The following PODN variants were observed in gnomAD, a reference collection of about 807,000 sequenced individuals.
The protein encoded by PODN is podocan.
Under a neutral mutation model 52.7 loss-of-function variants are expected in PODN, and 40 were observed. The observed-to-expected ratio is 0.76, with a 90% confidence interval of 0.59 to 0.99. PODN has a LOEUF of 0.99. Ranked by LOEUF, PODN falls within the 50% of genes least tolerant of loss-of-function variation. The pLI is 0.00. For missense variants in PODN, 720 were observed against 815.1 expected (o/e 0.88, Z 1.42); for synonymous variants, 396 against 377.9 (o/e 1.05, Z -0.56).
intron 3 of PODN, among the ~76,000 whole-genome samples, 161 bp from the exon 4 acceptor site, chr1:53,074,445 G>A (rs975866740): frequency 2.7e-5 from 4 of 150,338 alleles, no homozygotes; most frequent in South Asian, 2.1e-4. Context: ...CAAGGAGAAA[G>A]AACAGGGCTG....
rs1160257462 is a variant in PODN, at chr1:53,071,921, ATTCAG to A, written c.406+294_406+298del. On this transcript the variant is annotated intron_variant, in intron 3 of 10. Coordinates refer to ENST00000312553, the MANE Select transcript of PODN (RefSeq NM_153703.5). ...ACCATGTTATCACCATGGAATGTAA[ATTCAG>A]GTTAGACAAGAGAATTTCACAAGTG... 5.3e-5 allele frequency among the ~76,000 whole-genome samples: 8 copies of A among 151,636 alleles called. No homozygotes were observed. In the South Asian group the frequency reaches 8.3e-4, roughly 16 times the overall value.
intron 4 of PODN, 105 bp downstream of exon 4, chr1:53,074,775 G>A (rs1384397429): frequency 8.8e-7 from 1 of 1,136,378 alleles, no homozygotes; most frequent in African/African-American, 1.6e-5. Context: ...CTCCCTGCTG[G>A]GTCCTTGTTG....
Position 53,070,053 on chromosome 1 carries a change from C to G in PODN, c.198C>G (p.Val66=), listed in dbSNP as rs780754451. ...PEEPGPGPAA[V]SCPRDCACSQ... is the part of the protein sequence containing the mutation. Reference sequence around the variant, plus strand: ...AGCCCGGGCCTGGCCCAGCCGCGGTCAGCTGCCCCCGAGACTGTGCCTGTT... The same window carrying G: ...AGCCCGGGCCTGGCCCAGCCGCGGTGAGCTGCCCCCGAGACTGTGCCTGTT... Residue 66 remains valine, a synonymous_variant, in exon 2 of 11, where the codon GTC becomes GTG. Transcript: ENST00000312553. 3.7e-6 allele frequency: 6 copies of G among 1,613,026 alleles called. No individual in the cohort carries two copies. The highest frequency in any genetic ancestry group is 2.2e-5 in the East Asian group (1 of 44,882).
intron 6 of PODN, 46 bp from the exon 7 acceptor site, chr1:53,077,639 C>T: frequency 4.5e-6 from 7 of 1,548,720 alleles, no homozygotes; most frequent in Non-Finnish European, 6.2e-6. Flanking sequence ...CTGACCTTGC[C>T]CTCGGCCCTC....
At chr1:53,079,757 G>C (rs1409659056) in intron 8 of PODN, among the ~76,000 whole-genome samples, 3 of 152,132 alleles carry the variant, frequency 2.0e-5, no homozygotes, top group Non-Finnish European at 2.9e-5. Context: ...CAGTTAGAGA[G>C]GCTGAGGCAG....
chr1:53,064,386 A>AT (rs1327847654), intron 1 of PODN, among the ~76,000 whole-genome samples: 2 of 152,260 alleles, frequency 1.3e-5, no homozygotes, highest in African/African-American at 4.8e-5. Flanking sequence ...ATGGGCAGCA[A>AT]TGCCAGCCCT....
chr1:53,075,857 C>T lies in PODN; in HGVS notation c.472-5C>T. 6.3e-7 allele frequency: 1 copy of T among 1,588,336 alleles called. No individual in the cohort carries two copies. Among genetic ancestry groups the T allele is most frequent in the Non-Finnish European group, 8.6e-7 (1 of 1,164,714 alleles). ...CTCTTTCGGCCCCAACTCTTCCCTT[C>T]CCAGCTGACCTTGGCACCCCGCTTC... On this transcript the variant is annotated splice_polypyrimidine_tract_variant and splice_region_variant and intron_variant, in intron 4 of 10. Transcript: ENST00000312553.
chr1:53,071,599 A>G lies in PODN; in HGVS notation c.377A>G (p.Asn126Ser), dbSNP rs1644119020. 6.2e-7 allele frequency: 1 copy of G among 1,613,828 alleles called. No individual in the cohort carries two copies. Among genetic ancestry groups the G allele is most frequent in the Non-Finnish European group, 8.5e-7 (1 of 1,179,964 alleles). Residue 126 changes from asparagine (N) to serine (S), a missense_variant, in exon 3 of 11, where the codon AAC (asparagine) becomes AGC (serine). Physicochemically the swap from Asn to Ser is conservative, Grantham distance 46 (BLOSUM62 1). Coordinates refer to ENST00000312553, the MANE Select transcript of PODN (RefSeq NM_153703.5). ...LSRLHRLETL[N>S]LQNNRLTSRG... Reference sequence around the variant, plus strand: ...CGGCTGCACCGGCTGGAGACGCTGAACCTGCAAAACAACCGCCTGACTTCC... The same window carrying G: ...CGGCTGCACCGGCTGGAGACGCTGAGCCTGCAAAACAACCGCCTGACTTCC...
intron 10 of PODN, among the ~76,000 whole-genome samples, chr1:53,084,129 G>A (rs1036028171): frequency 1.1e-4 from 16 of 151,620 alleles, no homozygotes; most frequent in African/African-American, 3.2e-4. Flanking sequence ...CCCAGGGCCC[G>A]GGAGTATGAA....
chr1:53,084,262 G>C (rs1644331778), intron 10 of PODN, among the ~76,000 whole-genome samples: 1 of 151,928 alleles, frequency 6.6e-6, no homozygotes, highest in Non-Finnish European at 1.5e-5. Context: ...GGGTGGGTGA[G>C]AATCTGCCCC....
chr1:53,079,135 C>T (rs17107864), intron 8 of PODN, 113 bp downstream of exon 8: 67,090 of 1,324,170 alleles, frequency 0.051, 2,287 homozygotes, highest in East Asian at 0.2. Flanking sequence ...GAGGGAGGTT[C>T]CTCTGGTATG....
intron 1 of PODN, chr1:53,063,508 G>A (rs939211421): frequency 1.0e-6 from 1 of 985,584 alleles, no homozygotes; most frequent in Non-Finnish European, 1.2e-6. Flanking sequence ...AGGCAGGAGG[G>A]CTCATGGTGA....
At chr1:53,084,107 C>T (rs905692550) in intron 10 of PODN, among the ~76,000 whole-genome samples, 2 of 152,062 alleles carry the variant, frequency 1.3e-5, no homozygotes, top group Non-Finnish European at 2.9e-5. Context: ...TTGGGGGTCA[C>T]CTTCCCCAGC....
At chr1:53,066,116 C>A (rs1279389736) in intron 1 of PODN, among the ~76,000 whole-genome samples, 1 of 151,496 alleles carries the variant, frequency 6.6e-6, no homozygotes, top group Non-Finnish European at 1.5e-5. Context: ...CCACTTCAGC[C>A]TCCTGAGTAG....
Position 53,078,492 on chromosome 1 carries a change from G to C in PODN, c.982G>C (p.Val328Leu). The change falls in exon 8 of 11, where the codon GTG becomes CTG. Residue 328 changes from valine to leucine, a missense_variant. Transcript: ENST00000312553. ...CGCCATCCGGAGCGTGGACGCGAAT[G>C]TGCTGACCCCCATCCGCAGCCTGGA... ...KNAIRSVDAN[V>L]LTPIRSLEYL... 1 of 1,613,356 alleles carries C rather than the reference G, an allele frequency of 6.2e-7. No homozygotes were observed. The highest frequency in any genetic ancestry group is 8.5e-7 in the Non-Finnish European group (1 of 1,180,044).
intron 4 of PODN, 25 bp from the exon 5 acceptor site, chr1:53,075,837 T>C: frequency 6.4e-7 from 1 of 1,562,282 alleles, no homozygotes; most frequent in South Asian, 1.2e-5. Flanking sequence ...CATTGCTCTT[T>C]CGGCCCCAAC....
At chr1:53,076,045 T>C in intron 5 of PODN, 74 bp downstream of exon 5, 1 of 1,279,238 alleles carries the variant, frequency 7.8e-7, no homozygotes, top group Non-Finnish European at 1.1e-6. Flanking sequence ...CCATCCTGTG[T>C]GAGGCAGAGA....
chr1:53,080,466 C>T (rs570724863), intron 8 of PODN, among the ~76,000 whole-genome samples: 13 of 152,280 alleles, frequency 8.5e-5, no homozygotes, highest in African/African-American at 1.4e-4. Flanking sequence ...CTGGGTAGGA[C>T]GTTCATCAAT....
chr1:53,068,337 G>A (rs1294973450), intron 1 of PODN, among the ~76,000 whole-genome samples: 1 of 152,200 alleles, frequency 6.6e-6, no homozygotes, highest in African/African-American at 2.4e-5. Context: ...CTGCTTTATG[G>A]TCATGGTTTC....
Sources: allele counts gnomAD v4.1 joint callset (sites outside exome capture counted in the v4.1 genomes callset), GRCh38; gene constraint gnomAD v4.1.1; transcripts MANE v1.5; gene names NCBI Gene and HGNC (gene_info 2026-07-23, HGNC 2026-07-21).